The following MCM9 variants were observed in gnomAD, a reference collection of about 807,000 sequenced individuals.
The protein encoded by MCM9 is minichromosome maintenance 9 homologous recombination repair factor, also known as DNA helicase MCM9.
In MCM9, 55 loss-of-function variants were observed where a neutral mutation model predicts 72.8. The ratio of observed to expected loss-of-function variants is 0.76; its 90% CI spans 0.61 to 0.95. The LOEUF is 0.95. Ranked by LOEUF, MCM9 falls within the 40% of genes least tolerant of loss-of-function variation. MCM9 has a pLI of 0.00. For missense variants in MCM9, 1,279 were observed against 1,377.0 expected (o/e 0.93, Z 1.13); for synonymous variants, 480 against 503.4 (o/e 0.95, Z 0.62).
At chr6:118,925,702 T>C (rs1781836262) in intron 3 of MCM9, among the ~76,000 whole-genome samples, 1 of 152,200 alleles carries the variant, frequency 6.6e-6, no homozygotes, top group East Asian at 1.9e-4. Context: ...ATTCATTATT[T>C]ACATTAATTC....
At position 118,924,038 on chromosome 6, in the gene MCM9, G is replaced by T; in HGVS notation, c.394C>A (p.Arg132=). 1 of 1,614,132 alleles carries T rather than the reference G, an allele frequency of 6.2e-7. No individual in the cohort carries two copies. The highest frequency in any genetic ancestry group is 8.5e-7 in the Non-Finnish European group (1 of 1,180,016). Residue 132 remains arginine (R), a synonymous_variant, in exon 4 of 14, where the codon CGA becomes AGA. Coordinates refer to ENST00000619706, the MANE Select transcript of MCM9 (RefSeq NM_017696.3). ...TCCAGAACCTTCACCAGACTTGTTC[G>T]AATCACTGTCCCAGTGACAGATAAA... is the stretch of plus-strand genomic sequence containing the variant. The part of the protein sequence containing the change: ...HFLSVTGTVI[R]TSLVKVLEFE...
At chr6:118,849,562 G>T (rs979708055) in intron 9 of MCM9, among the ~76,000 whole-genome samples, 1 of 151,606 alleles carries the variant, frequency 6.6e-6, no homozygotes, top group African/African-American at 2.4e-5. Flanking sequence ...AAAACCTCAT[G>T]AAGTTCCTTA....
chr6:118,887,338 G>A (rs1465127527), intron 8 of MCM9, among the ~76,000 whole-genome samples: 1 of 152,100 alleles, frequency 6.6e-6, no homozygotes, highest in East Asian at 1.9e-4. Context: ...ATACATTTAA[G>A]GTCAATTCAT....
At chr6:118,931,156 T>G (rs889941834) in intron 3 of MCM9, among the ~76,000 whole-genome samples, 1 of 152,194 alleles carries the variant, frequency 6.6e-6, no homozygotes, top group African/African-American at 2.4e-5. Context: ...TGAATTACAT[T>G]TTTAAACACA....
At chr6:118,838,834 C>T (rs997680767) in intron 9 of MCM9, among the ~76,000 whole-genome samples, 20 of 152,110 alleles carry the variant, frequency 1.3e-4, no homozygotes, top group African/African-American at 4.1e-4. Context: ...GTGGGTAACC[C>T]GGCCTTTCTC....
chr6:118,855,164 A>G (rs187783969), intron 9 of MCM9, among the ~76,000 whole-genome samples: 159 of 152,362 alleles, frequency 1.0e-3, no homozygotes, highest in Non-Finnish European at 1.9e-3. Context: ...TAGCACAAAA[A>G]GCTCATTAAA....
intron 9 of MCM9, among the ~76,000 whole-genome samples, chr6:118,837,914 G>T (rs773880299): frequency 1.3e-5 from 2 of 152,116 alleles, no homozygotes; most frequent in Non-Finnish European, 2.9e-5. Context: ...GATGCTAGCT[G>T]GTTATTTTGC....
intron 8 of MCM9, among the ~76,000 whole-genome samples, chr6:118,902,861 G>A (rs983347474): frequency 6.6e-6 from 1 of 152,028 alleles, no homozygotes; most frequent in African/African-American, 2.4e-5. Context: ...GTAATCTCTT[G>A]GTCTGCCATG....
intron 5 of MCM9, 42 bp downstream of exon 5, chr6:118,921,963 G>A (rs1188399860): frequency 2.0e-6 from 3 of 1,475,432 alleles, no homozygotes; most frequent in South Asian, 2.4e-5. Context: ...CAATACTTTA[G>A]GACTACCTAC....
intron 6 of MCM9, among the ~76,000 whole-genome samples, chr6:118,916,213 A>G (rs938427953): frequency 6.6e-6 from 1 of 151,366 alleles, no homozygotes; most frequent in Non-Finnish European, 1.5e-5. Context: ...AAAAAAAGAA[A>G]CCATTTTAAT....
At chr6:118,845,714 C>T (rs1432471491) in intron 9 of MCM9, among the ~76,000 whole-genome samples, 1 of 151,762 alleles carries the variant, frequency 6.6e-6, no homozygotes, top group African/African-American at 2.4e-5. Context: ...TAGGCCAGCT[C>T]ATGATCTGCA....
At chr6:118,874,061 C>G (rs1157420946) in intron 8 of MCM9, among the ~76,000 whole-genome samples, 1 of 152,082 alleles carries the variant, frequency 6.6e-6, no homozygotes, top group African/African-American at 2.4e-5. Flanking sequence ...CAAAGACCAG[C>G]CTGGGCAACA....
intron 8 of MCM9, among the ~76,000 whole-genome samples, chr6:118,907,223 C>T (rs1160725212): frequency 1.3e-5 from 2 of 152,196 alleles, no homozygotes; most frequent in African/African-American, 4.8e-5. Flanking sequence ...TTCTTTGCTA[C>T]AGCCCTAGTC....
intron 8 of MCM9, among the ~76,000 whole-genome samples, chr6:118,897,244 C>T (rs554295616): frequency 6.6e-6 from 1 of 152,240 alleles, no homozygotes; most frequent in South Asian, 2.1e-4. Flanking sequence ...TAGCCCCAAA[C>T]GTTCACTTTC....
chr6:118,839,942 G>A (rs907504807), intron 9 of MCM9, among the ~76,000 whole-genome samples: 1 of 152,164 alleles, frequency 6.6e-6, no homozygotes, highest in Non-Finnish European at 1.5e-5. Flanking sequence ...AGCAGAGCTC[G>A]AGCGCTGTGC....
At chr6:118,932,533 T>C in intron 2 of MCM9, 74 bp downstream of exon 2, 3 of 855,886 alleles carry the variant, frequency 3.5e-6, no homozygotes, top group Non-Finnish European at 2.8e-6. Context: ...AGTGTCATTC[T>C]TTCGTGTGCT....
chr6:118,821,466 T>C (rs982751097), intron 13 of MCM9, among the ~76,000 whole-genome samples: 7 of 152,236 alleles, frequency 4.6e-5, no homozygotes, highest in African/African-American at 1.7e-4. Context: ...TCTTCTGGCT[T>C]GTAGGGTTTC....
At chr6:118,820,337 G>T (rs1350564887) in intron 13 of MCM9, among the ~76,000 whole-genome samples, 2 of 151,120 alleles carry the variant, frequency 1.3e-5, no homozygotes, top group Non-Finnish European at 3.0e-5. Flanking sequence ...GTTTTCATTG[G>T]TTTCAAAGAA....
intron 8 of MCM9, among the ~76,000 whole-genome samples, chr6:118,895,652 A>G (rs1779345960): frequency 6.6e-6 from 1 of 152,014 alleles, no homozygotes; most frequent in South Asian, 2.1e-4. Context: ...TTAGTAATAA[A>G]TATTTAGAAA....
Sources: gnomAD v4.1 joint callset for allele counts (sites outside exome capture counted in the v4.1 genomes callset) on GRCh38, gnomAD v4.1.1 for gene constraint, MANE v1.5 for transcripts, NCBI Gene and HGNC (gene_info 2026-07-23, HGNC 2026-07-21) for gene names.